TCF25: variants seen among roughly 807,000 people sequenced by gnomAD.
TCF25 encodes the protein ribosome quality control complex subunit TCF25.
A neutral mutation model predicts 83.1 loss-of-function variants in TCF25; 41 were observed. The observed-to-expected ratio is 0.49, with a 90% CI of 0.38 to 0.64. TCF25 has a LOEUF of 0.64. Ranked by LOEUF, TCF25 falls within the 30% of genes least tolerant of loss-of-function variation. TCF25 has a pLI of 0.00. For synonymous variants in TCF25, 458 were observed against 365.0 expected, an observed-to-expected ratio of 1.25 and a Z score of -2.90; for missense variants, 979 against 914.5, an observed-to-expected ratio of 1.07 and a Z score of -0.91.
At chr16:89,901,438 G>C (rs1458732587) in intron 12 of TCF25, among the ~76,000 whole-genome samples, 1 of 151,120 alleles carries the variant, frequency 6.6e-6, no homozygotes, top group African/African-American at 2.4e-5. Context: ...GGGTGAGGGT[G>C]AAATCCCTCC....
At chr16:89,891,074 T>G (rs1342955090) in intron 5 of TCF25, among the ~76,000 whole-genome samples, 1 of 152,126 alleles carries the variant, frequency 6.6e-6, no homozygotes, top group Non-Finnish European at 1.5e-5. Context: ...GGTCAGCTCA[T>G]CGCCCCCGCA....
chr16:89,900,134 GA>G (rs1481584981), intron 11 of TCF25, among the ~76,000 whole-genome samples: 2 of 152,240 alleles, frequency 1.3e-5, no homozygotes, highest in East Asian at 3.9e-4. Context: ...CATTTTGATA[GA>G]AAAAAATGCA....
intron 8 of TCF25, among the ~76,000 whole-genome samples, chr16:89,895,542 A>G (rs150525777): frequency 6.8e-4 from 104 of 152,326 alleles, no homozygotes; most frequent in African/African-American, 2.4e-3. Context: ...TTCAAGGTTC[A>G]TCCTCACTGT....
chr16:89,888,625 G>C (rs925145840), intron 5 of TCF25, among the ~76,000 whole-genome samples: 2 of 149,610 alleles, frequency 1.3e-5, no homozygotes, highest in Non-Finnish European at 3.0e-5. Flanking sequence ...GCTTCTCAGA[G>C]CAAAACTAAT....
rs753686169 is a variant in TCF25 at position 89,898,565 on chromosome 16, A to G, written c.1031A>G (p.Tyr344Cys). The G allele has an allele frequency of 2.5e-6, 4 of 1,598,854 alleles. No individual in the cohort carries two copies. Among genetic ancestry groups the G allele is most frequent in the East Asian group, 2.3e-5 (1 of 44,136 alleles). The change falls in exon 10 of 18, where the codon TAC (tyrosine) becomes TGC (cysteine). Residue 344 changes from tyrosine to cysteine, a missense_variant. Tyr to Cys is a radical substitution (Grantham distance 194, BLOSUM62 -2). Coordinates refer to ENST00000263346, the MANE Select transcript of TCF25 (RefSeq NM_014972.3). The stretch of plus-strand genomic sequence containing the variant: ...AACTATTTTGGATCTAGGAGCTTCT[A>G]CCTGGCCCTCTACAAGCAGATGAGC... ...DYRRPENRSFYLALYKQMSFL... is the reference protein window; with the variant it reads ...DYRRPENRSFCLALYKQMSFL...
chr16:89,906,364 C>T, intron 15 of TCF25, 80 bp downstream of exon 15: 1 of 1,422,242 alleles, frequency 7.0e-7, no homozygotes. Flanking sequence ...GGTCCACATG[C>T]AGGCGTGCGT....
At chr16:89,892,109 A>C in intron 5 of TCF25, 84 bp from the exon 6 acceptor site, 2 of 1,350,608 alleles carry the variant, frequency 1.5e-6, no homozygotes, top group Admixed American at 2.9e-5. Flanking sequence ...TTGCTTCCAC[A>C]GCCCGTGCAG....
At chr16:89,873,929 C>G in intron 1 of TCF25, 70 bp downstream of exon 1, 2 of 1,439,016 alleles carry the variant, frequency 1.4e-6, no homozygotes, top group Non-Finnish European at 1.8e-6. Context: ...GAGCGTCCAG[C>G]CGGGTCGGGG....
chr16:89,891,846 C>T (rs963455797), intron 5 of TCF25, among the ~76,000 whole-genome samples: 1 of 152,062 alleles, frequency 6.6e-6, no homozygotes, highest in Non-Finnish European at 1.5e-5. Flanking sequence ...TTTTTAAAAC[C>T]CTTTGTAGAA....
rs1178170558 is a variant in TCF25, at chr16:89,873,615, A to C, written c.-53A>C. The C allele has an allele frequency of 6.8e-6, 9 of 1,320,380 alleles. No individual in the cohort carries two copies. The highest frequency in any genetic ancestry group is 2.7e-4 in the Middle Eastern group (1 of 3,682). The allele number at this position is 1,320,380 out of a possible 1,614,324, so 81.8% of individuals were successfully genotyped here. Reference sequence around the variant, plus strand: ...GAGTGCGCAGGCGCGCCGACAGCCGAGTTTTCTGCGCTTCCTTCTCCCTCT... The same window carrying C: ...GAGTGCGCAGGCGCGCCGACAGCCGCGTTTTCTGCGCTTCCTTCTCCCTCT... On this transcript the variant is annotated 5_prime_UTR_variant, in exon 1 of 18. Coordinates refer to ENST00000263346, the MANE Select transcript of TCF25 (RefSeq NM_014972.3).
intron 13 of TCF25, 121 bp from the exon 14 acceptor site, chr16:89,904,817 T>C: frequency 7.9e-7 from 1 of 1,273,638 alleles, no homozygotes; most frequent in South Asian, 1.3e-5. Flanking sequence ...GGGCCTCCTT[T>C]CACTCCAGGC....
In TCF25 at chr16:89,873,674, C is replaced by T; in HGVS notation, c.7C>T (p.Arg3Cys). The T allele has an allele frequency of 6.3e-7, 1 of 1,596,778 alleles. No homozygotes were observed. ...GTCGTGGTCGTTCGGTCCTATGTCG[C>T]GCCGGGCCCTCCGGAGGCTGAGGGG... MS[R>C]RALRRLRGEQ... The change falls in exon 1 of 18, where the codon CGC becomes TGC. Residue 3 changes from arginine to cysteine, a missense_variant. Coordinates refer to ENST00000263346, the MANE Select transcript of TCF25 (RefSeq NM_014972.3).
intron 7 of TCF25, among the ~76,000 whole-genome samples, chr16:89,894,297 C>T (rs1385311095): frequency 1.3e-5 from 2 of 148,514 alleles, no homozygotes; most frequent in Non-Finnish European, 3.0e-5. Context: ...GGACAGTCCC[C>T]GTACAGCCCC....
intron 13 of TCF25, 105 bp downstream of exon 13, chr16:89,904,310 C>G: frequency 7.8e-7 from 1 of 1,288,868 alleles, no homozygotes; most frequent in South Asian, 1.3e-5. Flanking sequence ...CTTCCAGCAG[C>G]AGGAGGGGCT....
chr16:89,910,742 C>A, intron 17 of TCF25, 79 bp downstream of exon 17: 1 of 1,487,016 alleles, frequency 6.7e-7, no homozygotes, highest in Non-Finnish European at 9.3e-7. Context: ...CTGGAGCCTC[C>A]TTGAACCAGG....
chr16:89,876,053 GA>G (rs1419087094), intron 1 of TCF25, among the ~76,000 whole-genome samples: 1 of 151,830 alleles, frequency 6.6e-6, no homozygotes, highest in Non-Finnish European at 1.5e-5. Flanking sequence ...TGGGAATTTG[GA>G]AAAAGTGTGG....
At chr16:89,888,159 A>G (rs2043154641) in intron 5 of TCF25, among the ~76,000 whole-genome samples, 2 of 152,124 alleles carry the variant, frequency 1.3e-5, no homozygotes, top group Non-Finnish European at 2.9e-5. Context: ...CCAGCTACTC[A>G]GGAAGCTGAG....
chr16:89,881,756 T>A (rs1427033853), intron 1 of TCF25, among the ~76,000 whole-genome samples: 1 of 150,806 alleles, frequency 6.6e-6, no homozygotes, highest in Admixed American at 6.6e-5. Context: ...GTTAGCCTCT[T>A]TTTTTTTTGT....
intron 12 of TCF25, among the ~76,000 whole-genome samples, chr16:89,901,476 T>TGA (rs1555616249): frequency 1.1e-4 from 16 of 143,044 alleles, no homozygotes; most frequent in South Asian, 4.5e-4. Context: ...CCGGGCGCGG[T>TGA]GGCTCACGCC....
Sources: allele counts gnomAD v4.1 joint callset (sites outside exome capture counted in the v4.1 genomes callset), GRCh38; gene constraint gnomAD v4.1.1; transcripts MANE v1.5; gene names NCBI Gene and HGNC (gene_info 2026-07-23, HGNC 2026-07-21).